ANKFN1: variants seen among roughly 807,000 people sequenced by gnomAD.
The protein encoded by ANKFN1 is ankyrin repeat and fibronectin type III domain containing 1.
In ANKFN1, 74 loss-of-function variants were observed where a neutral mutation model predicts 108.7. That is an observed-to-expected ratio of 0.68 (90% CI 0.56 to 0.83). ANKFN1 has a LOEUF of 0.83. Among genes scored for constraint, ANKFN1 ranks in the 40% least tolerant of loss-of-function variants. The probability of loss-of-function intolerance (pLI) is 0.00; values close to 1 mark genes in which losing one functional copy is unlikely to be tolerated. For missense variants in ANKFN1, 1,505 were observed against 1,382.3 expected, an observed-to-expected ratio of 1.09 and a Z score of -1.41; for synonymous variants, 547 against 516.2, an observed-to-expected ratio of 1.06 and a Z score of -0.81.
intron 3 of ANKFN1, among the ~76,000 whole-genome samples, chr17:56,250,229 A>G (rs2043204015): frequency 1.3e-5 from 2 of 152,226 alleles, no homozygotes; most frequent in South Asian, 4.1e-4. Flanking sequence ...ACACCTATTT[A>G]AAACATTCCA....
chr17:56,102,313 T>C (rs1020780398), intron 4 of ANKFN1, among the ~76,000 whole-genome samples: 1 of 152,224 alleles, frequency 6.6e-6, no homozygotes, highest in African/African-American at 2.4e-5. Context: ...TAAATACTTG[T>C]ATAATTGTCT....
intron 3 of ANKFN1, among the ~76,000 whole-genome samples, chr17:56,299,590 A>T (rs2044615304): frequency 6.6e-6 from 1 of 152,198 alleles, no homozygotes; most frequent in African/African-American, 2.4e-5. Flanking sequence ...TGTCTCTAAC[A>T]TCAATCTGGG....
intron 4 of ANKFN1, among the ~76,000 whole-genome samples, chr17:56,046,801 G>T (rs1476989746): frequency 6.6e-6 from 1 of 152,114 alleles, no homozygotes; most frequent in African/African-American, 2.4e-5. Context: ...GTAATAAACA[G>T]CACCAAATCC....
chr17:56,283,049 G>T (rs185580079), intron 3 of ANKFN1, among the ~76,000 whole-genome samples: 1 of 152,078 alleles, frequency 6.6e-6, no homozygotes, highest in Non-Finnish European at 1.5e-5. Flanking sequence ...AGGGAGTTTG[G>T]TGTATATATT....
At chr17:56,410,619 A>T (rs1470048067) in intron 8 of ANKFN1, among the ~76,000 whole-genome samples, 1 of 152,198 alleles carries the variant, frequency 6.6e-6, no homozygotes, top group African/African-American at 2.4e-5. Flanking sequence ...AGTGCAATAG[A>T]TCACTAAAAT....
chr17:56,393,694 T>C (rs564909796), intron 8 of ANKFN1, among the ~76,000 whole-genome samples: 18 of 152,388 alleles, frequency 1.2e-4, no homozygotes, highest in African/African-American at 3.4e-4. Context: ...GAAGATGTGC[T>C]ATACGTGATT....
intron 4 of ANKFN1, among the ~76,000 whole-genome samples, chr17:56,106,099 C>T (rs542821050): frequency 1.3e-5 from 2 of 152,234 alleles, no homozygotes; most frequent in South Asian, 4.1e-4. Flanking sequence ...AGAGCTAAGA[C>T]TTTCTAAATA....
intron 3 of ANKFN1, among the ~76,000 whole-genome samples, chr17:56,278,031 C>T (rs1319552423): frequency 6.6e-6 from 1 of 152,162 alleles, no homozygotes; most frequent in Admixed American, 6.5e-5. Flanking sequence ...GGAAGGTAAA[C>T]ATTTATAGAG....
At chr17:56,072,310 T>G (rs1178494045) in intron 4 of ANKFN1, among the ~76,000 whole-genome samples, 1 of 152,172 alleles carries the variant, frequency 6.6e-6, no homozygotes, top group Non-Finnish European at 1.5e-5. Flanking sequence ...TTTTAACTCT[T>G]ATTGATATGT....
intron 19 of ANKFN1, among the ~76,000 whole-genome samples, chr17:56,498,034 A>T (rs1259228647): frequency 6.6e-6 from 1 of 152,162 alleles, no homozygotes; most frequent in Non-Finnish European, 1.5e-5. Context: ...TTATGCAAAT[A>T]GGCTTCAAGG....
At chr17:56,218,318 A>G (rs1421157974) in intron 2 of ANKFN1, among the ~76,000 whole-genome samples, 2 of 150,840 alleles carry the variant, frequency 1.3e-5, no homozygotes, top group Non-Finnish European at 2.9e-5. Flanking sequence ...TCCTTTTTCC[A>G]AGCTGACCTT....
chr17:56,368,628 C>A (rs568073277), intron 6 of ANKFN1, among the ~76,000 whole-genome samples: 1 of 151,886 alleles, frequency 6.6e-6, no homozygotes, highest in Admixed American at 6.5e-5. Flanking sequence ...TGTCAGATTA[C>A]CAGTTATAGC....
chr17:56,372,743 A>G lies in ANKFN1; in HGVS notation c.699A>G (p.Gly233=). Reference sequence around the variant, plus strand: ...TGTCTGCCCAGGTGGAGAATGAAGGATTCACTCTGGACAACACAGAGAAAG... The same window carrying G: ...TGTCTGCCCAGGTGGAGAATGAAGGGTTCACTCTGGACAACACAGAGAAAG... ...SELSAQVENE[G]FTLDNTEKEK... is the part of the protein sequence containing the mutation. Residue 233 remains glycine (G), a synonymous_variant, in exon 7 of 21, where the codon GGA becomes GGG. Transcript: ENST00000682825. 6.2e-7 allele frequency: 1 copy of G among 1,613,928 alleles called. No individual in the cohort carries two copies. The highest frequency in any genetic ancestry group is 8.5e-7 in the Non-Finnish European group (1 of 1,179,856).
chr17:56,244,771 A>T (rs979620939), intron 3 of ANKFN1, among the ~76,000 whole-genome samples: 2 of 152,096 alleles, frequency 1.3e-5, no homozygotes, highest in Non-Finnish European at 2.9e-5. Flanking sequence ...TAGAATTCCC[A>T]TTGTGGCTCT....
In ANKFN1 at chr17:56,495,062, G is replaced by T. The variant is rs539838066; in HGVS notation, c.2427+2709G>T. 3.9e-5 allele frequency among the ~76,000 whole-genome samples: 6 copies of T among 152,198 alleles called. No individual in the cohort carries two copies. The East Asian group carries it at 1.2e-3, about 29-fold the overall frequency. On this transcript the variant is annotated intron_variant, in intron 19 of 20. Transcript: ENST00000682825. ...TGGGAATTCTTCAAAGTTCTAGCCC[G>T]CTCTGGTCTCCCAAAGCAGGTAACT...
In ANKFN1 at chr17:56,440,313, C is replaced by A. The variant is rs370211962; in HGVS notation, c.911-14C>A. ...CCCTCTTTCTCTCTCTCCCTGCCCC[C>A]CTACTCCCTCCAGTGGAATGGAGTA... On this transcript the variant is annotated splice_polypyrimidine_tract_variant and intron_variant, in intron 8 of 20. Coordinates refer to ENST00000682825, the MANE Select transcript of ANKFN1 (RefSeq NM_001370326.1). The A allele has an allele frequency of 6.4e-6, 10 of 1,565,078 alleles. No homozygotes were observed. The highest frequency in any genetic ancestry group is 3.4e-5 in the Admixed American group (2 of 59,580).
chr17:56,318,394 A>T (rs2045269078), intron 3 of ANKFN1, among the ~76,000 whole-genome samples: 1 of 152,198 alleles, frequency 6.6e-6, no homozygotes, highest in Non-Finnish European at 1.5e-5. Context: ...TATAAAATGC[A>T]TTCCTCTGAG....
At chr17:56,388,146 C>CT (rs1008287175) in intron 8 of ANKFN1, among the ~76,000 whole-genome samples, 62 of 147,202 alleles carry the variant, frequency 4.2e-4, no homozygotes, top group South Asian at 1.3e-3. Context: ...TTCTTTCTTT[C>CT]TTTTTTTTTT....
intron 8 of ANKFN1, among the ~76,000 whole-genome samples, chr17:56,436,278 C>A (rs2048926008): frequency 6.6e-6 from 1 of 152,178 alleles, no homozygotes; most frequent in Non-Finnish European, 1.5e-5. Context: ...TTAGGAAATA[C>A]TAATATCTAG....
Sources: allele counts gnomAD v4.1 joint callset (sites outside exome capture counted in the v4.1 genomes callset), GRCh38; gene constraint gnomAD v4.1.1; transcripts MANE v1.5; gene names NCBI Gene and HGNC (gene_info 2026-07-23, HGNC 2026-07-21).